The following ADAMTSL1 variants were observed in gnomAD, a reference collection of about 807,000 sequenced individuals.
The protein encoded by ADAMTSL1 is ADAMTS-like protein 1.
Under a neutral mutation model 201.8 loss-of-function variants are expected in ADAMTSL1, and 126 were observed. The observed-to-expected ratio is 0.62, with a 90% CI of 0.54 to 0.72. ADAMTSL1 has a LOEUF of 0.72. Ranked by LOEUF, ADAMTSL1 falls within the 30% of genes least tolerant of loss-of-function variation. ADAMTSL1 has a pLI of 0.00. For missense variants in ADAMTSL1, 2,679 were observed against 2,277.8 expected, an observed-to-expected ratio of 1.18 and a Z score of -3.59; for synonymous variants, 1,121 against 903.4, an observed-to-expected ratio of 1.24 and a Z score of -4.32.
intron 1 of ADAMTSL1, among the ~76,000 whole-genome samples, chr9:17,938,912 C>G (rs76173281): frequency 0.014 from 2,102 of 152,198 alleles, 55 homozygotes; most frequent in African/African-American, 0.048. Context: ...AGAGAAAACC[C>G]TTTTGTCTTG....
chr9:18,536,233 C>G (rs900116028), intron 3 of ADAMTSL1, among the ~76,000 whole-genome samples: 1 of 152,074 alleles, frequency 6.6e-6, no homozygotes, highest in Non-Finnish European at 1.5e-5. Flanking sequence ...TTGTTAGGTG[C>G]TTGATTTGGA....
chr9:18,584,415 T>G (rs1823340436), intron 4 of ADAMTSL1, among the ~76,000 whole-genome samples: 1 of 152,086 alleles, frequency 6.6e-6, no homozygotes, highest in South Asian at 2.1e-4. Context: ...CTCTTTCTTT[T>G]GTAAATTGCT....
intron 2 of ADAMTSL1, among the ~76,000 whole-genome samples, chr9:18,311,245 C>G (rs1369301521): frequency 6.6e-6 from 1 of 151,760 alleles, no homozygotes; most frequent in Non-Finnish European, 1.5e-5. Context: ...AGGAGAAATA[C>G]CTAATATAGA....
At chr9:18,588,551 A>G (rs1823671947) in intron 4 of ADAMTSL1, among the ~76,000 whole-genome samples, 1 of 151,872 alleles carries the variant, frequency 6.6e-6, no homozygotes, top group Non-Finnish European at 1.5e-5. Flanking sequence ...GTTGTGGAGC[A>G]TTTCCCTAAT....
chr9:18,290,316 G>T (rs570404246), intron 2 of ADAMTSL1, among the ~76,000 whole-genome samples: 1 of 151,532 alleles, frequency 6.6e-6, no homozygotes, highest in African/African-American at 2.4e-5. Context: ...GGGGTGTGGA[G>T]AAATTGGCAG....
At chr9:18,438,689 G>A (rs1819860969) in intron 2 of ADAMTSL1, among the ~76,000 whole-genome samples, 1 of 152,152 alleles carries the variant, frequency 6.6e-6, no homozygotes, top group Admixed American at 6.6e-5. Context: ...GCTGTTGTTG[G>A]CTGCGGCTCC....
At chr9:18,020,093 A>C (rs908685120) in intron 1 of ADAMTSL1, among the ~76,000 whole-genome samples, 11 of 152,156 alleles carry the variant, frequency 7.2e-5, no homozygotes, top group African/African-American at 2.6e-4. Context: ...CGAAGTCTAC[A>C]GTCTGTTATA....
intron 23 of ADAMTSL1, among the ~76,000 whole-genome samples, chr9:18,834,090 C>T (rs572784704): frequency 5.1e-4 from 78 of 152,164 alleles, no homozygotes; most frequent in African/African-American, 1.8e-3. Flanking sequence ...GTGACCATAG[C>T]CCTGTAATAT....
chr9:18,721,909 C>A (rs889328548), intron 15 of ADAMTSL1, among the ~76,000 whole-genome samples: 2 of 152,176 alleles, frequency 1.3e-5, no homozygotes, highest in Non-Finnish European at 2.9e-5. Flanking sequence ...TGTGGCATGG[C>A]TGGTATGTGT....
chr9:18,224,704 A>G (rs1423448908), intron 2 of ADAMTSL1, among the ~76,000 whole-genome samples: 1 of 151,952 alleles, frequency 6.6e-6, no homozygotes, highest in Non-Finnish European at 1.5e-5. Flanking sequence ...TCCTCTAATT[A>G]CCTCATTTGC....
chr9:18,136,098 A>T (rs574752943), intron 1 of ADAMTSL1, among the ~76,000 whole-genome samples: 2 of 152,286 alleles, frequency 1.3e-5, no homozygotes, highest in South Asian at 4.1e-4. Flanking sequence ...CATAATACTG[A>T]TGTGGAAAAA....
chr9:18,355,634 G>A (rs1836186245), intron 2 of ADAMTSL1, among the ~76,000 whole-genome samples: 1 of 152,054 alleles, frequency 6.6e-6, no homozygotes, highest in African/African-American at 2.4e-5. Flanking sequence ...ATGTTAAAAG[G>A]GTTGTTTAGA....
intron 2 of ADAMTSL1, among the ~76,000 whole-genome samples, chr9:18,307,237 A>C (rs1370675167): frequency 1.3e-5 from 2 of 149,574 alleles, no homozygotes; most frequent in African/African-American, 2.6e-5. Flanking sequence ...GCCACTGCAA[A>C]AACATACCAA....
intron 2 of ADAMTSL1, among the ~76,000 whole-genome samples, chr9:18,425,170 C>T (rs1352929621): frequency 6.6e-6 from 1 of 152,076 alleles, no homozygotes; most frequent in Non-Finnish European, 1.5e-5. Flanking sequence ...CTCTCTCTCC[C>T]TCTCTTCGTT....
intron 1 of ADAMTSL1, among the ~76,000 whole-genome samples, chr9:17,989,280 C>G (rs538102274): frequency 1.3e-5 from 2 of 151,472 alleles, no homozygotes; most frequent in Non-Finnish European, 2.9e-5. Context: ...TTTAAATAAG[C>G]AGATTGTACT....
At chr9:18,001,226 A>T (rs1819599417) in intron 1 of ADAMTSL1, among the ~76,000 whole-genome samples, 1 of 152,096 alleles carries the variant, frequency 6.6e-6, no homozygotes, top group South Asian at 2.1e-4. Context: ...ATTGAAGGTA[A>T]GATTGCAATA....
At chr9:18,431,919 G>T (rs1170359369) in intron 2 of ADAMTSL1, among the ~76,000 whole-genome samples, 5 of 152,084 alleles carry the variant, frequency 3.3e-5, no homozygotes, top group African/African-American at 1.2e-4. Flanking sequence ...GCATAAAAGT[G>T]TACAGTTTTC....
intron 2 of ADAMTSL1, among the ~76,000 whole-genome samples, chr9:18,180,750 A>G (rs1166676694): frequency 6.6e-6 from 1 of 152,136 alleles, no homozygotes; most frequent in Non-Finnish European, 1.5e-5. Context: ...CCATCAAGCT[A>G]CCAATGACTT....
chr9:18,196,291 G>T (rs1829176482), intron 2 of ADAMTSL1, among the ~76,000 whole-genome samples: 1 of 151,990 alleles, frequency 6.6e-6, no homozygotes, highest in Admixed American at 6.6e-5. Flanking sequence ...GAGTTTATTT[G>T]CATTTTAAGG....
Sources: gnomAD v4.1 joint callset for allele counts (sites outside exome capture counted in the v4.1 genomes callset) on GRCh38, gnomAD v4.1.1 for gene constraint, MANE v1.5 for transcripts, NCBI Gene and HGNC (gene_info 2026-07-23, HGNC 2026-07-21) for gene names.